Variants in SORBS2 observed in about 807,000 individuals in gnomAD.
SORBS2 encodes the protein sorbin and SH3 domain-containing protein 2.
In SORBS2, 46 loss-of-function variants were observed where a neutral mutation model predicts 97.7. The ratio of observed to expected loss-of-function variants is 0.47; its 90% CI spans 0.37 to 0.60. The LOEUF is 0.60. SORBS2 is among the 20% of genes least tolerant of loss of function. SORBS2 has a pLI of 0.00. For missense variants in SORBS2, 1,316 were observed against 1,282.3 expected (o/e 1.03, Z -0.40); for synonymous variants, 476 against 473.4 (o/e 1.01, Z -0.07).
At chr4:185,800,395 C>T (rs2099124507) in intron 1 of SORBS2, among the ~76,000 whole-genome samples, 1 of 152,170 alleles carries the variant, frequency 6.6e-6, no homozygotes, top group South Asian at 2.1e-4. Context: ...TGAGTCAGTG[C>T]CGTTCCTGGG....
intron 1 of SORBS2, among the ~76,000 whole-genome samples, chr4:185,799,882 C>T (rs540312530): frequency 6.6e-6 from 1 of 152,284 alleles, no homozygotes; most frequent in East Asian, 1.9e-4. Context: ...AACCAGAACT[C>T]CCACCCGACA....
At chr4:185,586,974 A>G (rs1413185883) in exon 15 of SORBS2, 3 of 152,598 alleles carry the variant, frequency 2.0e-5, no homozygotes, top group African/African-American at 7.2e-5. Context: ...GCAGAAAAAG[A>G]CTCCTATTTG....
At chr4:185,720,909 A>G (rs918334338) in intron 2 of SORBS2, among the ~76,000 whole-genome samples, 3 of 152,018 alleles carry the variant, frequency 2.0e-5, no homozygotes, top group Non-Finnish European at 2.9e-5. Flanking sequence ...CAGCCGCGTG[A>G]CCGTAGGCCC....
At chr4:185,698,925 T>C (rs974891509) in intron 2 of SORBS2, among the ~76,000 whole-genome samples, 1 of 152,192 alleles carries the variant, frequency 6.6e-6, no homozygotes, top group Non-Finnish European at 1.5e-5. Context: ...TTTTAAATTA[T>C]TTTCATGGTA....
chr4:185,613,912 T>C (rs77875160), intron 11 of SORBS2, among the ~76,000 whole-genome samples: 2,845 of 152,048 alleles, frequency 0.019, 50 homozygotes, highest in South Asian at 0.041. Flanking sequence ...TGAGACAAGG[T>C]TCTGCCAGGA....
At chr4:185,787,459 G>T (rs1384459084) in intron 1 of SORBS2, among the ~76,000 whole-genome samples, 1 of 152,182 alleles carries the variant, frequency 6.6e-6, no homozygotes, top group Non-Finnish European at 1.5e-5. Flanking sequence ...CAGAGAAACT[G>T]TTATACGACC....
intron 2 of SORBS2, among the ~76,000 whole-genome samples, chr4:185,706,855 C>A (rs1186147814): frequency 6.6e-6 from 1 of 152,072 alleles, no homozygotes; most frequent in Non-Finnish European, 1.5e-5. Context: ...TTCACTTGGT[C>A]TCCTATATAA....
chr4:185,727,377 T>C (rs1165253892), intron 2 of SORBS2, among the ~76,000 whole-genome samples: 1 of 152,214 alleles, frequency 6.6e-6, no homozygotes, highest in African/African-American at 2.4e-5. Flanking sequence ...AATACTCACA[T>C]ACAAGTAGAA....
chr4:185,605,185 T>C (rs2096378575), intron 12 of SORBS2, among the ~76,000 whole-genome samples: 1 of 152,254 alleles, frequency 6.6e-6, no homozygotes, highest in Non-Finnish European at 1.5e-5. Flanking sequence ...ACTTGGATAG[T>C]AGCGTAATAG....
chr4:185,812,367 CTCA>C (rs1490216413), intron 1 of SORBS2, 173 bp from the exon 1 acceptor site: 6 of 152,128 alleles, frequency 3.9e-5, no homozygotes, highest in African/African-American at 1.4e-4. Flanking sequence ...TTTCATCAAA[CTCA>C]TCATTTTTTT....
chr4:185,725,531 A>G (rs1238121550), intron 2 of SORBS2, among the ~76,000 whole-genome samples: 3 of 152,156 alleles, frequency 2.0e-5, no homozygotes, highest in Non-Finnish European at 4.4e-5. Flanking sequence ...GGGAGTAACG[A>G]CTTTGTGTGG....
chr4:185,891,291 C>T lies in SORBS2; in HGVS notation c.-338+64905G>A, dbSNP rs565623712. Among the ~76,000 whole-genome samples, 25 of 152,286 alleles carry T rather than the reference C, an allele frequency of 1.6e-4. 1 individual carries two copies. The highest frequency in any genetic ancestry group is 1.5e-3 in the Admixed American group (23 of 15,294). On this transcript the variant is annotated intron_variant, in intron 1 of 20. Coordinates refer to the SORBS2 transcript ENST00000284776. ...AGAAAATTATTGCAGTGAAAGAGAA[C>T]GTATCTAAACAATCCCCACTTTGCC...
At chr4:185,776,393 G>A (rs1008130051) in intron 1 of SORBS2, among the ~76,000 whole-genome samples, 2 of 152,150 alleles carry the variant, frequency 1.3e-5, no homozygotes, top group Admixed American at 1.3e-4. Context: ...GGCTTCCATT[G>A]AGTCATTGTG....
intron 4 of SORBS2, among the ~76,000 whole-genome samples, chr4:185,672,051 C>A (rs983676912): frequency 1.3e-5 from 2 of 152,198 alleles, no homozygotes. Context: ...GCATTACGAG[C>A]CCACAGAAAG....
At chr4:185,905,102 CAAAAA>C (rs201976720) in intron 1 of SORBS2, among the ~76,000 whole-genome samples, 4 of 141,332 alleles carry the variant, frequency 2.8e-5, no homozygotes, top group African/African-American at 1.0e-4. Flanking sequence ...GAAACTCTGT[CAAAAA>C]AAAAAAAGAA....
chr4:185,611,937 T>G (rs1334644236), exon 12 of SORBS2: 7 of 1,613,690 alleles, frequency 4.3e-6, no homozygotes, highest in Non-Finnish European at 5.9e-6. Flanking sequence ...TTTACCTTCA[T>G]ACCAGTTTTG....
chr4:185,912,981 T>TG (rs2099256158), intron 1 of SORBS2, among the ~76,000 whole-genome samples: 1 of 149,876 alleles, frequency 6.7e-6, no homozygotes, highest in South Asian at 2.2e-4. Context: ...TCCTGGATGA[T>TG]GAACATTTTG....
At chr4:185,761,283 A>G (rs541762895) in intron 2 of SORBS2, among the ~76,000 whole-genome samples, 1 of 152,336 alleles carries the variant, frequency 6.6e-6, no homozygotes, top group African/African-American at 2.4e-5. Context: ...CTGTACCGAA[A>G]GCTTAAGTTT....
At chr4:185,936,033 G>A (rs566953087) in intron 1 of SORBS2, among the ~76,000 whole-genome samples, 3 of 152,164 alleles carry the variant, frequency 2.0e-5, no homozygotes, top group Non-Finnish European at 4.4e-5. Flanking sequence ...TGTGTTTTTT[G>A]TAAAGATGAG....
Sources: allele counts gnomAD v4.1 joint callset (sites outside exome capture counted in the v4.1 genomes callset), GRCh38; gene constraint gnomAD v4.1.1; transcripts MANE v1.5; gene names NCBI Gene and HGNC (gene_info 2026-07-23, HGNC 2026-07-21).